The following LEPR variants were observed in gnomAD, a reference collection of about 807,000 sequenced individuals.
The protein encoded by LEPR is leptin receptor.
In LEPR, 56 loss-of-function variants were observed where a neutral mutation model predicts 114.7. That is an observed-to-expected ratio of 0.49 (90% CI 0.39 to 0.61). The LOEUF is 0.61. Ranked by LOEUF, LEPR falls within the 20% of genes least tolerant of loss-of-function variation. The pLI is 0.00. For synonymous variants in LEPR, 443 were observed against 461.4 expected (o/e 0.96, Z 0.51); for missense variants, 1,202 against 1,352.9 (o/e 0.89, Z 1.75).
chr1:65,598,457 AC>A (rs1376461454), intron 7 of LEPR, among the ~76,000 whole-genome samples: 1 of 151,730 alleles, frequency 6.6e-6, no homozygotes, highest in African/African-American at 2.4e-5. Flanking sequence ...TTTTTCTTGG[AC>A]CCATGGGCTA....
At chr1:65,503,610 G>A (rs950560377) in intron 2 of LEPR, among the ~76,000 whole-genome samples, 1 of 152,128 alleles carries the variant, frequency 6.6e-6, no homozygotes, top group Admixed American at 6.6e-5. Flanking sequence ...ATAGCAGGAA[G>A]CACGAGCCAG....
rs1557711306 is a variant in LEPR, at chr1:65,638,986, GGTACA to G, written c.*1978_*1982del. 1 of 152,112 alleles carries G rather than the reference GGTACA, an allele frequency of 6.6e-6. No individual in the cohort carries two copies. The highest frequency in any genetic ancestry group is 1.5e-5 in the Non-Finnish European group (1 of 68,022). The allele number at this position is 152,112 out of a possible 1,614,324, so 9.4% of individuals were successfully genotyped here. On this transcript the variant is annotated 3_prime_UTR_variant, in exon 20 of 20. Coordinates refer to ENST00000349533, the MANE Select transcript of LEPR (RefSeq NM_002303.6). ...TATAGATTATTGGTATTTAATTGAAGGTACAGTACAGAAGAGATAGAAAAATAAAT... is the reference window on the plus strand; with the variant it reads ...TATAGATTATTGGTATTTAATTGAAGGTACAGAAGAGATAGAAAAATAAAT...
At chr1:65,444,528 A>G (rs994387489) in intron 2 of LEPR, among the ~76,000 whole-genome samples, 1 of 127,370 alleles carries the variant, frequency 7.9e-6, no homozygotes. Context: ...GAATCTGGCT[A>G]TTGTCAGTTT....
At chr1:65,472,411 A>AAAACACACACACACACACAC (rs1647095579) in intron 2 of LEPR, among the ~76,000 whole-genome samples, 2 of 133,286 alleles carry the variant, frequency 1.5e-5, no homozygotes, top group African/African-American at 5.8e-5. Context: ...CTGTGGCTAA[A>AAAACACACACACACACACAC]ACACACACAC....
At chr1:65,442,821 C>T (rs1427705836) in intron 2 of LEPR, among the ~76,000 whole-genome samples, 8 of 152,134 alleles carry the variant, frequency 5.3e-5, no homozygotes, top group Admixed American at 1.3e-4. Flanking sequence ...CTTAGAAAAT[C>T]GGCACAGATG....
Position 65,572,318 on chromosome 1 carries a change from A to AATT in LEPR, c.371-7_371-6insTTA. 1.3e-6 allele frequency: 1 copy of AATT among 794,854 alleles called. No individual in the cohort carries two copies. The highest frequency in any genetic ancestry group is 5.3e-5 in the East Asian group (1 of 18,962). The allele number at this position is 794,854 out of a possible 1,614,324, so 49.2% of individuals were successfully genotyped here. On this transcript the variant is annotated splice_region_variant and splice_polypyrimidine_tract_variant and intron_variant, in intron 4 of 19. Transcript: ENST00000349533. ...TTTTTTTTTTTTTTTTTTTTTTTTT[A>AATT]AATTCAGATGCAAACTGGAACATAC...
rs1243957414 is a variant in LEPR, at chr1:65,641,474, A to G, written c.*4459A>G. On this transcript the variant is annotated 3_prime_UTR_variant, in exon 20 of 20. Transcript: ENST00000349533. ...ATGTTCCCAAAGTCACAGAGAAAGC[A>G]GTGTACTTTATGACAGTATATTTAT... 6.6e-6 allele frequency: 1 copy of G among 152,236 alleles called. No individual in the cohort carries two copies. 9.4% of individuals were successfully genotyped at this position (152,236 alleles called of 1,614,324 possible).
At chr1:65,629,725 C>T (rs1004877529) in intron 19 of LEPR, among the ~76,000 whole-genome samples, 1 of 151,356 alleles carries the variant, frequency 6.6e-6, no homozygotes, top group African/African-American at 2.4e-5. Context: ...CCCTTCTCTT[C>T]CCTCCCCTCC....
intron 2 of LEPR, chr1:65,429,817 A>C: frequency 1.5e-6 from 2 of 1,359,224 alleles, no homozygotes; most frequent in Non-Finnish European, 1.9e-6. Flanking sequence ...TTTAAAATGT[A>C]ACTGTTACTT....
chr1:65,421,525 T>A, intron 1 of LEPR: 1 of 1,525,492 alleles, frequency 6.6e-7, no homozygotes, highest in East Asian at 2.4e-5. Flanking sequence ...TATTGGCTTT[T>A]ATATCATCCT....
At chr1:65,433,054 C>CAG (rs1290910114) in intron 2 of LEPR, 2 of 985,406 alleles carry the variant, frequency 2.0e-6, no homozygotes, top group East Asian at 2.3e-4. Flanking sequence ...GAGATGCGGG[C>CAG]AGGGAGGCTG....
intron 2 of LEPR, among the ~76,000 whole-genome samples, chr1:65,535,175 A>G (rs1650676284): frequency 6.6e-6 from 1 of 152,056 alleles, no homozygotes; most frequent in Non-Finnish European, 1.5e-5. Flanking sequence ...AAACACAGAG[A>G]GAAAACATAC....
chr1:65,589,292 A>T (rs1655528211), intron 5 of LEPR, among the ~76,000 whole-genome samples: 1 of 151,962 alleles, frequency 6.6e-6, no homozygotes, highest in South Asian at 2.1e-4. Flanking sequence ...TTTAGTTTTG[A>T]GTATTGTAGA....
chr1:65,506,428 G>A (rs1340092189), intron 2 of LEPR, among the ~76,000 whole-genome samples: 2 of 152,204 alleles, frequency 1.3e-5, no homozygotes, highest in African/African-American at 4.8e-5. Context: ...TCTGATGGGG[G>A]AAGGGATGGA....
intron 2 of LEPR, among the ~76,000 whole-genome samples, chr1:65,444,604 G>T (rs1285539174): frequency 6.6e-6 from 1 of 150,940 alleles, no homozygotes. Context: ...GGGTGGGGAG[G>T]GAAATCCCTT....
chr1:65,486,416 T>G (rs917955500), intron 2 of LEPR: 1 of 152,162 alleles, frequency 6.6e-6, no homozygotes, highest in Non-Finnish European at 1.5e-5. Flanking sequence ...AGTATTATAT[T>G]TCTTTGACAT....
At chr1:65,510,969 T>G (rs1648999555) in intron 2 of LEPR, among the ~76,000 whole-genome samples, 1 of 152,026 alleles carries the variant, frequency 6.6e-6, no homozygotes, top group Non-Finnish European at 1.5e-5. Flanking sequence ...CAATAGACAC[T>G]CCCACTGCAC....
At chr1:65,422,271 C>T (rs1377937062) in intron 1 of LEPR, among the ~76,000 whole-genome samples, 6 of 152,080 alleles carry the variant, frequency 3.9e-5, no homozygotes, top group African/African-American at 4.8e-5. Context: ...AGGGAGAATA[C>T]CATGGGAAGA....
chr1:65,609,002 A>G (rs1350027032), intron 12 of LEPR, 101 bp downstream of exon 12: 5 of 1,425,890 alleles, frequency 3.5e-6, no homozygotes, highest in Non-Finnish European at 3.9e-6. Context: ...ATAAAAGTAC[A>G]TTCTCCTGTA....
Sources: allele counts gnomAD v4.1 joint callset (sites outside exome capture counted in the v4.1 genomes callset), GRCh38; gene constraint gnomAD v4.1.1; transcripts MANE v1.5; gene names NCBI Gene and HGNC (gene_info 2026-07-23, HGNC 2026-07-21).